The following DLGAP2 variants were observed in gnomAD, a reference collection of about 807,000 sequenced individuals.
DLGAP2 encodes DLG associated protein 2.
DLGAP2 carries 26 observed loss-of-function variants against 100.3 expected under a neutral mutation model. The observed-to-expected ratio is 0.26, with a 90% confidence interval of 0.19 to 0.36. The LOEUF (loss-of-function observed/expected upper bound fraction) is 0.36, where lower values mean the gene tolerates loss of function less well. Among genes scored for constraint, DLGAP2 ranks in the 10% least tolerant of loss-of-function variants. The probability of loss-of-function intolerance (pLI) is 1.00; values close to 1 mark genes in which losing one functional copy is unlikely to be tolerated. For missense variants in DLGAP2, 1,858 were observed against 1,453.2 expected (o/e 1.28, Z -4.53); for synonymous variants, 886 against 630.1 (o/e 1.41, Z -6.08).
At chr8:1,564,419 C>G (rs1802311294) in intron 5 of DLGAP2, among the ~76,000 whole-genome samples, 1 of 152,196 alleles carries the variant, frequency 6.6e-6, no homozygotes, top group South Asian at 2.1e-4. Flanking sequence ...CGCAAACACA[C>G]AGCAGGCAGC....
chr8:1,506,135 C>A (rs1008409223), intron 4 of DLGAP2, among the ~76,000 whole-genome samples: 13 of 152,160 alleles, frequency 8.5e-5, no homozygotes, highest in African/African-American at 3.1e-4. Flanking sequence ...TAGCTTTAAT[C>A]ATCTCCACAG....
chr8:1,382,660 T>C (rs1796123800), intron 3 of DLGAP2, among the ~76,000 whole-genome samples: 1 of 152,064 alleles, frequency 6.6e-6, no homozygotes, highest in Non-Finnish European at 1.5e-5. Context: ...GAAGATTGTG[T>C]AAGCCTGGGA....
At chr8:1,429,426 G>C (rs1563141525) in intron 3 of DLGAP2, among the ~76,000 whole-genome samples, 1 of 152,160 alleles carries the variant, frequency 6.6e-6, no homozygotes, top group Non-Finnish European at 1.5e-5. Context: ...GTCCAGGATT[G>C]TGTCTTGTTC....
intron 3 of DLGAP2, among the ~76,000 whole-genome samples, chr8:1,371,051 G>A (rs1390648933): frequency 6.6e-6 from 1 of 152,226 alleles, no homozygotes; most frequent in Non-Finnish European, 1.5e-5. Flanking sequence ...TGCATTAATT[G>A]TCATTGGAAG....
At chr8:1,570,353 G>C (rs780257183) in intron 6 of DLGAP2, among the ~76,000 whole-genome samples, 1 of 152,204 alleles carries the variant, frequency 6.6e-6, no homozygotes, top group Non-Finnish European at 1.5e-5. Context: ...GTTCCATTAC[G>C]CACAGCCCTT....
chr8:1,240,278 CTGTT>C (rs1798758053), intron 2 of DLGAP2, among the ~76,000 whole-genome samples: 1 of 64,832 alleles, frequency 1.5e-5, no homozygotes, highest in Non-Finnish European at 4.6e-5. Flanking sequence ...GTGTCTAGTT[CTGTT>C]ACATGGCGCC....
At chr8:1,381,795 G>GTGTT (rs1388281526) in intron 3 of DLGAP2, among the ~76,000 whole-genome samples, 7 of 126,622 alleles carry the variant, frequency 5.5e-5, no homozygotes, top group Non-Finnish European at 9.5e-5. Context: ...GTGTGTGTGT[G>GTGTT]TGTGTGTGTG....
intron 3 of DLGAP2, among the ~76,000 whole-genome samples, chr8:1,276,531 C>A (rs984697381): frequency 1.3e-5 from 2 of 152,190 alleles, no homozygotes; most frequent in East Asian, 3.9e-4. Context: ...TCGGCCTTTG[C>A]TTTACCCTGA....
chr8:883,101 G>A (rs1433354231), intron 1 of DLGAP2: 1 of 152,544 alleles, frequency 6.6e-6, no homozygotes, highest in Non-Finnish European at 1.5e-5. Context: ...TATGTCCTGT[G>A]ATGTCCTGTG....
chr8:1,437,041 G>A (rs903082110), intron 3 of DLGAP2, among the ~76,000 whole-genome samples: 4 of 151,616 alleles, frequency 2.6e-5, no homozygotes, highest in African/African-American at 7.3e-5. Context: ...CAGCCCAGGC[G>A]CGTAAGGGTG....
chr8:1,327,873 T>G (rs1249427634), intron 3 of DLGAP2, among the ~76,000 whole-genome samples: 2 of 152,030 alleles, frequency 1.3e-5, no homozygotes, highest in Non-Finnish European at 2.9e-5. Context: ...ATGACGTGCT[T>G]GTAAATGAAT....
At chr8:1,256,141 C>G (rs575859294) in intron 2 of DLGAP2, among the ~76,000 whole-genome samples, 3 of 127,250 alleles carry the variant, frequency 2.4e-5, no homozygotes. Context: ...TCTGTGTCCT[C>G]TCATGCCTGG....
chr8:1,698,004 TATTA>T (rs937674962), intron 14 of DLGAP2, among the ~76,000 whole-genome samples: 5 of 152,218 alleles, frequency 3.3e-5, no homozygotes, highest in South Asian at 2.1e-4. Context: ...AGACAAATGT[TATTA>T]ATTAAAATGA....
chr8:882,445 T>G (rs79838373), intron 1 of DLGAP2, among the ~76,000 whole-genome samples: 18 of 114,964 alleles, frequency 1.6e-4, no homozygotes, highest in South Asian at 3.3e-4. Context: ...CAGCGGTACC[T>G]CTCCCTGCGG....
chr8:1,362,205 G>C (rs900434930), intron 3 of DLGAP2, among the ~76,000 whole-genome samples: 3 of 152,132 alleles, frequency 2.0e-5, no homozygotes, highest in African/African-American at 4.8e-5. Flanking sequence ...CGAGGTGGCA[G>C]CGAGTCCTCG....
intron 3 of DLGAP2, among the ~76,000 whole-genome samples, chr8:1,389,655 T>G (rs899389403): frequency 1.3e-5 from 2 of 152,080 alleles, no homozygotes; most frequent in African/African-American, 4.8e-5. Flanking sequence ...CCTCAGATTG[T>G]GCAGAATGGA....
intron 2 of DLGAP2, among the ~76,000 whole-genome samples, chr8:1,154,048 A>G (rs947906969): frequency 6.6e-6 from 1 of 152,168 alleles, no homozygotes; most frequent in Non-Finnish European, 1.5e-5. Flanking sequence ...AACAAGGGGA[A>G]TATGGAAGAA....
intron 1 of DLGAP2, among the ~76,000 whole-genome samples, chr8:858,881 G>C (rs1012136965): frequency 9.9e-5 from 15 of 152,130 alleles, no homozygotes; most frequent in Admixed American, 3.3e-4. Flanking sequence ...GTAATCAGTG[G>C]ACTTAATAAT....
At chr8:1,534,397 T>C (rs1234153078) in intron 4 of DLGAP2, among the ~76,000 whole-genome samples, 2 of 152,350 alleles carry the variant, frequency 1.3e-5, no homozygotes, top group African/African-American at 4.8e-5. Context: ...ACAATAAAGA[T>C]CTGTTTTAAA....
Sources: allele counts gnomAD v4.1 joint callset (sites outside exome capture counted in the v4.1 genomes callset), GRCh38; gene constraint gnomAD v4.1.1; transcripts MANE v1.5; gene names NCBI Gene and HGNC (gene_info 2026-07-23, HGNC 2026-07-21).